RRM2: variants seen among roughly 807,000 people sequenced by gnomAD.
RRM2 encodes the protein ribonucleotide reductase regulatory subunit M2, also known as ribonucleoside-diphosphate reductase subunit M2.
In RRM2, 6 loss-of-function variants were observed where a neutral mutation model predicts 45.9. The ratio of observed to expected loss-of-function variants is 0.13; its 90% CI spans 0.07 to 0.26. The LOEUF is 0.26. Among genes scored for constraint, RRM2 ranks in the 10% least tolerant of loss-of-function variants. The probability of loss-of-function intolerance (pLI) is 1.00; values close to 1 mark genes in which losing one functional copy is unlikely to be tolerated. For missense variants in RRM2, 343 were observed against 489.5 expected (o/e 0.70, Z 2.82); for synonymous variants, 177 against 173.0 (o/e 1.02, Z -0.18).
At chr2:10,125,205 G>T (rs1662753645) in intron 5 of RRM2, among the ~76,000 whole-genome samples, 1 of 152,240 alleles carries the variant, frequency 6.6e-6, no homozygotes, top group African/African-American at 2.4e-5. Context: ...GATGGACGGG[G>T]AGGACTTGCC....
At position 10,122,858 on chromosome 2, in the gene RRM2, G is replaced by T; in HGVS notation, c.60G>T (p.Ser20=). Residue 20 remains serine, a synonymous_variant, in exon 1 of 10, where the codon TCG becomes TCT. Transcript: ENST00000304567. Reference sequence around the variant, plus strand: ...CGGACCCGCAGCAGCTGCAGCTCTCGCCGCTGAAGGGGCTCAGCTTGGTCG... The same window carrying T: ...CGGACCCGCAGCAGCTGCAGCTCTCTCCGCTGAAGGGGCTCAGCTTGGTCG... ...PITDPQQLQL[S]PLKGLSLVDK... is the part of the protein sequence containing the mutation. 1 of 1,601,000 alleles carries T rather than the reference G, an allele frequency of 6.2e-7. No homozygotes were observed. Among genetic ancestry groups the T allele is most frequent in the Non-Finnish European group, 8.5e-7 (1 of 1,175,644 alleles).
exon 1 of RRM2, chr2:10,141,420 ATGT>A (rs769449277): frequency 2.5e-5 from 5 of 203,832 alleles, no homozygotes; most frequent in Non-Finnish European, 1.0e-5. Context: ...CTGTGCTAGG[ATGT>A]TGTCCCCATG....
chr2:10,123,004 C>A lies in RRM2; in HGVS notation c.121C>A (p.Arg41Ser), dbSNP rs766886680. The A allele has an allele frequency of 6.4e-7, 1 of 1,562,362 alleles. No individual in the cohort carries two copies. Among genetic ancestry groups the A allele is most frequent in the Non-Finnish European group, 8.6e-7 (1 of 1,160,612 alleles). The change falls in exon 2 of 10, where the codon CGC becomes AGC. Residue 41 changes from arginine to serine, a missense_variant. Around this residue, in one of 2 missense-constraint regions of RRM2, gnomAD observed 131 missense variants for 121.4 expected, o/e 1.08. Transcript: ENST00000304567. ...ENTPPALSGT[R>S]VLASKTARRI... The stretch of plus-strand genomic sequence containing the variant: ...GCAGCCGCCGGCCCTGAGCGGGACC[C>A]GCGTCCTGGCCAGCAAGACCGCGAG...
At chr2:10,208,916 C>T (rs1007430135) in intron 3 of RRM2, among the ~76,000 whole-genome samples, 3 of 152,152 alleles carry the variant, frequency 2.0e-5, no homozygotes, top group African/African-American at 4.8e-5. Context: ...AACTCCCTCC[C>T]ACCTCTCCAG....
At chr2:10,128,285 G>A (rs1323410785) in intron 7 of RRM2, among the ~76,000 whole-genome samples, 4 of 152,166 alleles carry the variant, frequency 2.6e-5, no homozygotes, top group Non-Finnish European at 5.9e-5. Context: ...CTTTGATTAA[G>A]TCACATTTGA....
Position 10,123,502 on chromosome 2 carries a change from C to G in RRM2, c.290C>G (p.Ala97Gly). Residue 97 changes from alanine to glycine, a missense_variant, in exon 3 of 10, where the codon GCA becomes GGA. Ala to Gly is a moderately conservative substitution (Grantham distance 60). Around this residue, in one of 2 missense-constraint regions of RRM2, gnomAD observed 212 missense variants for 368.1 expected, o/e 0.58. Transcript: ENST00000304567. ...GATATCTGGCAGATGTATAAGAAGG[C>G]AGAGGCTTCCTTTTGGACCGCCGAG... The part of the protein sequence containing the change: ...YHDIWQMYKK[A>G]EASFWTAEEV... 2 of 1,613,844 alleles carry G rather than the reference C, an allele frequency of 1.2e-6. No homozygotes were observed. The highest frequency in any genetic ancestry group is 1.7e-6 in the Non-Finnish European group (2 of 1,179,914).
At chr2:10,161,460 G>A (rs1167583216) in intron 3 of RRM2, among the ~76,000 whole-genome samples, 2 of 152,200 alleles carry the variant, frequency 1.3e-5, no homozygotes, top group Non-Finnish European at 2.9e-5. Context: ...TGCACGAGGG[G>A]CACAGCCTCT....
At chr2:10,128,701 A>G in intron 7 of RRM2, 147 bp from the exon 8 acceptor site, 1 of 646,900 alleles carries the variant, frequency 1.5e-6, no homozygotes, top group African/African-American at 1.8e-5. Flanking sequence ...CAGTAGTTGA[A>G]GTCATCTTCC....
At chr2:10,201,049 G>A (rs1034100892) in intron 3 of RRM2, among the ~76,000 whole-genome samples, 1 of 151,918 alleles carries the variant, frequency 6.6e-6, no homozygotes, top group Non-Finnish European at 1.5e-5. Context: ...TCGGGAGGCT[G>A]AGGCAGGGAG....
In RRM2 at chr2:10,122,964, C is replaced by T; in HGVS notation, c.100-19C>T. On this transcript the variant is annotated intron_variant, in intron 1 of 9. Transcript: ENST00000304567. ...AGGGAAAGCGAAGCCGCTCCTCACT[C>T]ACACGCGTCTCCCCGCAGCCGCCGG... is the stretch of plus-strand genomic sequence containing the variant. 6.5e-7 allele frequency: 1 copy of T among 1,548,104 alleles called. No individual in the cohort carries two copies. Among genetic ancestry groups the T allele is most frequent in the African/African-American group, 1.4e-5 (1 of 73,982 alleles).
At chr2:10,140,395 A>G (rs1188577412), upstream of RRM2, among the ~76,000 whole-genome samples, 1 of 152,230 alleles carries the variant, frequency 6.6e-6, no homozygotes, top group Admixed American at 6.5e-5. Context: ...TTCACCATGG[A>G]TAAGAGACTG....
At chr2:10,206,245 C>CAA (rs200752840) in intron 3 of RRM2, among the ~76,000 whole-genome samples, 66 of 102,890 alleles carry the variant, frequency 6.4e-4, no homozygotes, top group Admixed American at 9.0e-4. Flanking sequence ...GACTCCGTCT[C>CAA]AAAAAAAAAA....
chr2:10,143,153 G>A (rs1165827268), intron 3 of RRM2, among the ~76,000 whole-genome samples: 1 of 152,202 alleles, frequency 6.6e-6, no homozygotes, highest in African/African-American at 2.4e-5. Flanking sequence ...GATTACAGGC[G>A]TGAGCCACCA....
chr2:10,125,417 G>A (rs1224937168), intron 5 of RRM2, among the ~76,000 whole-genome samples: 1 of 152,154 alleles, frequency 6.6e-6, no homozygotes, highest in East Asian at 1.9e-4. Context: ...ACAAAGGTCA[G>A]CTTTAGGGTG....
intron 4 of RRM2, among the ~76,000 whole-genome samples, chr2:10,124,315 A>G (rs1267973157): frequency 6.6e-6 from 1 of 152,208 alleles, no homozygotes; most frequent in African/African-American, 2.4e-5. Context: ...CATGTTGGCC[A>G]GGCTGGTCTC....
chr2:10,183,556 A>G (rs1664103437), intron 3 of RRM2, among the ~76,000 whole-genome samples: 1 of 152,176 alleles, frequency 6.6e-6, no homozygotes, highest in African/African-American at 2.4e-5. Flanking sequence ...TCATTCAGAG[A>G]AGCAGGGTTC....
In RRM2 at chr2:10,161,016, T is replaced by G. The variant is rs562865758; in HGVS notation, n.482+18641T>G. On this transcript the variant is annotated intron_variant and non_coding_transcript_variant, in intron 3 of 3. Transcript: ENST00000381786. The stretch of plus-strand genomic sequence containing the variant: ...TCCCTCTTTGGGGCTGCAGAAAGCG[T>G]GGTCTGAGCTACACAGCACTGAGCT... Among the ~76,000 whole-genome samples, 4 of 152,312 alleles carry G rather than the reference T, an allele frequency of 2.6e-5. No individual in the cohort carries two copies. The East Asian group carries it at 5.8e-4, about 22-fold the overall frequency.
chr2:10,138,033 C>T (rs1663021117), upstream of RRM2, among the ~76,000 whole-genome samples: 1 of 152,120 alleles, frequency 6.6e-6, no homozygotes, highest in Non-Finnish European at 1.5e-5. Flanking sequence ...TGGAGTCTTG[C>T]TGCGACCCCC....
intron 4 of RRM2, 38 bp from the exon 5 acceptor site, chr2:10,124,679 T>A: frequency 2.5e-6 from 4 of 1,610,672 alleles, no homozygotes; most frequent in Non-Finnish European, 3.4e-6. Flanking sequence ...TGCTGTTGGT[T>A]TTTTCTCAAG....
Sources: allele counts gnomAD v4.1 joint callset (sites outside exome capture counted in the v4.1 genomes callset), GRCh38; gene constraint gnomAD v4.1.1; regional missense constraint gnomAD v4.1.1; transcripts MANE v1.5; gene names NCBI Gene and HGNC (gene_info 2026-07-23, HGNC 2026-07-21).